ENAM: variants seen among roughly 807,000 people sequenced by gnomAD.
ENAM encodes the protein enamelin.
In ENAM, 21 loss-of-function variants were observed where a neutral mutation model predicts 33.6. The observed-to-expected ratio is 0.63, with a 90% CI of 0.44 to 0.90. The LOEUF (loss-of-function observed/expected upper bound fraction) is 0.90. ENAM is among the 40% of genes least tolerant of loss of function. The pLI is 0.00. For missense variants in ENAM, 1,388 were observed against 1,366.9 expected (o/e 1.02, Z -0.24); for synonymous variants, 473 against 468.4 (o/e 1.01, Z -0.13).
rs543341253 is a variant in ENAM, at chr4:70,646,100, C to T, written c.*1245C>T. On this transcript the variant is annotated 3_prime_UTR_variant, in exon 9 of 9. Transcript: ENST00000396073. ...ACTAGTTCAGCATAAGGGATTCTAC[C>T]AGTATGTGCTACTACTAACATTCTT... 48 of 151,518 alleles carry T rather than the reference C, an allele frequency of 3.2e-4. No homozygotes were observed. Among genetic ancestry groups the T allele is most frequent in the Middle Eastern group, 3.4e-3 (1 of 292 alleles). The allele number at this position is 151,518 out of a possible 1,614,324, so 9.4% of individuals were successfully genotyped here. A position where few individuals can be genotyped will look rare whatever the true frequency, so the allele number is the denominator to read the frequency against.
chr4:70,634,641 T>A, intron 6 of ENAM, 73 bp downstream of exon 6: 2 of 1,382,914 alleles, frequency 1.4e-6, no homozygotes, highest in Non-Finnish European at 1.0e-6. Flanking sequence ...GCCACCCCCA[T>A]ATACACACTT....
chr4:70,638,772 T>C lies in ENAM; in HGVS notation c.588+929T>C, dbSNP rs551562755. Among the ~76,000 whole-genome samples, 36 of 151,402 alleles carry C rather than the reference T, an allele frequency of 2.4e-4. 1 individual carries two copies. The highest frequency in any genetic ancestry group is 8.0e-4 in the African/African-American group (33 of 41,366). On this transcript the variant is annotated intron_variant, in intron 8 of 8. Transcript: ENST00000396073. ...CCCTGCAATGACTGCCAATTTCTTATCTTTCTTTTCTTTCTTTCTTTCTTT... is the reference window on the plus strand; with the variant it reads ...CCCTGCAATGACTGCCAATTTCTTACCTTTCTTTTCTTTCTTTCTTTCTTT...
intron 2 of ENAM, among the ~76,000 whole-genome samples, chr4:70,631,166 T>A (rs1337185048): frequency 6.6e-6 from 1 of 152,208 alleles, no homozygotes; most frequent in African/African-American, 2.4e-5. Flanking sequence ...AACAGAATAT[T>A]ATCTATAACA....
rs746271672 is a variant in ENAM, at chr4:70,643,449, T to C, written c.2023T>C (p.Leu675=). 6.2e-7 allele frequency: 1 copy of C among 1,613,034 alleles called. No homozygotes were observed. ...FPGQNRWGEE[L]SFKGGPTVRH... Reference sequence around the variant, plus strand: ...TGGACAAAATAGATGGGGTGAAGAGTTGAGCTTCAAAGGAGGCCCAACAGT... The same window carrying C: ...TGGACAAAATAGATGGGGTGAAGAGCTGAGCTTCAAAGGAGGCCCAACAGT... Residue 675 remains leucine (L), a synonymous_variant, in exon 9 of 9, where the codon TTG becomes CTG. Transcript: ENST00000396073.
rs2148523438 is a variant in ENAM, at chr4:70,643,489, G to A, written c.2063G>A (p.Gly688Asp). The part of the protein sequence containing the change: ...KGGPTVRHYE[G>D]EQYTSNQPKE... Reference sequence around the variant, plus strand: ...GGCCCAACAGTTAGGCACTATGAAGGTGAACAATATACCTCAAATCAGCCA... The same window carrying A: ...GGCCCAACAGTTAGGCACTATGAAGATGAACAATATACCTCAAATCAGCCA... The change falls in exon 9 of 9, where the codon GGT (glycine) becomes GAT (aspartate). Residue 688 changes from glycine to aspartate, a missense_variant. Coordinates refer to ENST00000396073, the MANE Select transcript of ENAM (RefSeq NM_031889.3). 1 of 1,614,112 alleles carries A rather than the reference G, an allele frequency of 6.2e-7. No homozygotes were observed. Among genetic ancestry groups the A allele is most frequent in the Admixed American group, 1.7e-5 (1 of 60,014 alleles).
chr4:70,635,293 C>A (rs988442428), intron 6 of ENAM, among the ~76,000 whole-genome samples: 1 of 152,182 alleles, frequency 6.6e-6, no homozygotes, highest in African/African-American at 2.4e-5. Context: ...AGAAGAATCG[C>A]TTGAACCCGG....
chr4:70,633,998 CTTGTATACTTCTGACCTGAG>C (rs371274496), intron 5 of ENAM, among the ~76,000 whole-genome samples: 5 of 152,140 alleles, frequency 3.3e-5, no homozygotes, highest in African/African-American at 1.2e-4. Flanking sequence ...TGTAACCTGA[CTTGTATACTTCTGACCTGAG>C]TTAGGGTTTC....
In ENAM at chr4:70,634,536, C is replaced by A; in HGVS notation, c.439C>A (p.Pro147Thr). 1 of 1,614,190 alleles carries A rather than the reference C, an allele frequency of 6.2e-7. No homozygotes were observed. Among genetic ancestry groups the A allele is most frequent in the Non-Finnish European group, 8.5e-7 (1 of 1,180,022 alleles). ...RPLKQPSHNQ[P>T]QPEEEAQPPQ... ...TTTGAAGCAGCCATCACATAATCAA[C>A]CTCAGCCCGAAGAGGAAGCTCAACC... Residue 147 changes from proline (P) to threonine (T), a missense_variant, in exon 6 of 9, where the codon CCT becomes ACT. By Grantham distance (38) the Pro-to-Thr change is conservative (BLOSUM62 -1). Transcript: ENST00000396073.
chr4:70,636,634 T>C (rs1738458082), intron 7 of ENAM, among the ~76,000 whole-genome samples: 1 of 152,100 alleles, frequency 6.6e-6, no homozygotes. Flanking sequence ...CTGGGCATAA[T>C]GGCAGGCACC....
chr4:70,640,167 G>A (rs1738563320), intron 8 of ENAM, among the ~76,000 whole-genome samples: 2 of 152,174 alleles, frequency 1.3e-5, no homozygotes, highest in Admixed American at 6.5e-5. Context: ...GGAAAACAAG[G>A]ATGAGAAGCA....
At position 70,643,064 on chromosome 4, in the gene ENAM, T is replaced by C. The variant is rs1038829977; in HGVS notation, c.1638T>C (p.Ala546=). ...SELKHSSYQP[A]VYPEEIPSPA... is the part of the protein sequence containing the mutation. ...TAAAGCACAGCTCATATCAGCCTGC[T>C]GTATACCCTGAGGAAATCCCTTCTC... The change falls in exon 9 of 9, where the codon GCT becomes GCC. Residue 546 remains alanine (A), a synonymous_variant. Coordinates refer to ENST00000396073, the MANE Select transcript of ENAM (RefSeq NM_031889.3). 6.2e-7 allele frequency: 1 copy of C among 1,614,036 alleles called. No homozygotes were observed. The highest frequency in any genetic ancestry group is 8.5e-7 in the Non-Finnish European group (1 of 1,179,956).
intron 8 of ENAM, among the ~76,000 whole-genome samples, chr4:70,639,376 G>A (rs1426208270): frequency 6.6e-6 from 1 of 152,072 alleles, no homozygotes; most frequent in East Asian, 1.9e-4. Context: ...GATCACTTGA[G>A]GTAAGGAGTT....
chr4:70,630,987 C>T (rs1167616372), intron 2 of ENAM, among the ~76,000 whole-genome samples: 1 of 152,110 alleles, frequency 6.6e-6, no homozygotes, highest in Non-Finnish European at 1.5e-5. Context: ...GGGGATCCAC[C>T]CACCTCAGCC....
At position 70,642,333 on chromosome 4, in the gene ENAM, C is replaced by A. The variant is rs1417657571; in HGVS notation, c.907C>A (p.Pro303Thr). 1 of 1,614,070 alleles carries A rather than the reference C, an allele frequency of 6.2e-7. No homozygotes were observed. ...PAVNASGQGG[P>T]GSQIPWRPSQ... Reference sequence around the variant, plus strand: ...AGTCAACGCTTCAGGCCAGGGAGGGCCAGGAAGTCAAATCCCATGGAGACC... The same window carrying A: ...AGTCAACGCTTCAGGCCAGGGAGGGACAGGAAGTCAAATCCCATGGAGACC... Residue 303 changes from proline to threonine, a missense_variant, in exon 9 of 9, where the codon CCA becomes ACA. Coordinates refer to ENST00000396073, the MANE Select transcript of ENAM (RefSeq NM_031889.3).
At position 70,644,829 on chromosome 4, in the gene ENAM, C is replaced by T. The variant is rs1738716692; in HGVS notation, c.3403C>T (p.Gln1135Ter). The T allele has an allele frequency of 6.2e-7, 1 of 1,613,860 alleles. No individual in the cohort carries two copies. Residue 1135 changes from glutamine to a stop codon, truncating the protein, a stop_gained, in exon 9 of 9, where the codon CAA becomes TAA. Transcript: ENST00000396073. LOFTEE classifies it high-confidence loss of function. Reference sequence around the variant, plus strand: ...AGGGACCAATGTACAGGACCAGGTACAAGACTGCTTACTACTTCAGGCCTA... The same window carrying T: ...AGGGACCAATGTACAGGACCAGGTATAAGACTGCTTACTACTTCAGGCCTA... ...QRGTNVQDQV[Q>*]DCLLLQA
chr4:70,636,420 G>A (rs893934399), intron 7 of ENAM, among the ~76,000 whole-genome samples: 1 of 152,004 alleles, frequency 6.6e-6, no homozygotes, highest in Non-Finnish European at 1.5e-5. Flanking sequence ...GATCACTTGA[G>A]GTCAGGAGCT....
At position 70,643,208 on chromosome 4, in the gene ENAM, T is replaced by C. The variant is rs1256672599; in HGVS notation, c.1782T>C (p.Ser594=). Reference sequence around the variant, plus strand: ...ATTTACCCCATCCTTCCCATGGTTCTAGAGGAAGTGTTTTCTACCCTGAAT... The same window carrying C: ...ATTTACCCCATCCTTCCCATGGTTCCAGAGGAAGTGTTTTCTACCCTGAAT... ...EEHLPHPSHG[S]RGSVFYPEYN... is the part of the protein sequence containing the mutation. Residue 594 remains serine, a synonymous_variant, in exon 9 of 9, where the codon TCT becomes TCC. Transcript: ENST00000396073. The C allele has an allele frequency of 3.1e-6, 5 of 1,613,736 alleles. No homozygotes were observed. Among genetic ancestry groups the C allele is most frequent in the Admixed American group, 3.3e-5 (2 of 59,962 alleles).
In ENAM at chr4:70,645,228, ATTCTACTT is replaced by A; in HGVS notation, c.*374_*381del. 2.7e-6 allele frequency: 1 copy of A among 374,576 alleles called. No individual in the cohort carries two copies. The highest frequency in any genetic ancestry group is 4.9e-6 in the Non-Finnish European group (1 of 205,348). The allele number at this position is 374,576 out of a possible 1,614,324, so 23.2% of individuals were successfully genotyped here. On this transcript the variant is annotated 3_prime_UTR_variant, in exon 9 of 9. Transcript: ENST00000396073. ...AGACTGAAAGGCAGATTAACTTTCCATTCTACTTATGGAGATCCACACATCAGTATAGT... is the reference window on the plus strand; with the variant it reads ...AGACTGAAAGGCAGATTAACTTTCCAATGGAGATCCACACATCAGTATAGT...
At position 70,642,009 on chromosome 4, in the gene ENAM, C is replaced by T. The variant is rs1446059671; in HGVS notation, c.589-6C>T. On this transcript the variant is annotated splice_region_variant and splice_polypyrimidine_tract_variant and intron_variant, in intron 8 of 8. Transcript: ENST00000396073. ...CAATTATTGATTTCCATTTTCTTTCCTACAGAATCCTTACTTTGGATATTT... is the reference window on the plus strand; with the variant it reads ...CAATTATTGATTTCCATTTTCTTTCTTACAGAATCCTTACTTTGGATATTT... The T allele has an allele frequency of 1.9e-6, 3 of 1,609,052 alleles. No individual in the cohort carries two copies. Among genetic ancestry groups the T allele is most frequent in the South Asian group, 2.2e-5 (2 of 90,932 alleles).
Sources: allele counts gnomAD v4.1 joint callset (sites outside exome capture counted in the v4.1 genomes callset), GRCh38; gene constraint gnomAD v4.1.1; transcripts MANE v1.5; gene names NCBI Gene and HGNC (gene_info 2026-07-23, HGNC 2026-07-21).